Variants in NRG1 observed in about 807,000 individuals in gnomAD.
NRG1 encodes the protein neuregulin 1, also known as pro-neuregulin-1, membrane-bound isoform.
In NRG1, 18 loss-of-function variants were observed where a neutral mutation model predicts 63.8. That is an observed-to-expected ratio of 0.28 (90% CI 0.19 to 0.42). NRG1 has a LOEUF of 0.42. NRG1 is among the 10% of genes least tolerant of loss of function. The pLI, the probability that NRG1 is intolerant of heterozygous loss-of-function variation, is 1.00. For missense variants in NRG1, 762 were observed against 814.7 expected (o/e 0.94, Z 0.79); for synonymous variants, 302 against 301.3 (o/e 1.00, Z -0.02).
intron 5 of NRG1, among the ~76,000 whole-genome samples, chr8:32,727,544 A>T (rs1160746669): frequency 6.6e-6 from 1 of 152,230 alleles, no homozygotes; most frequent in East Asian, 1.9e-4. Context: ...AAATAATTTT[A>T]TCAATTGATT....
intron 1 of NRG1, among the ~76,000 whole-genome samples, chr8:32,056,253 G>A (rs541472494): frequency 1.3e-5 from 2 of 152,264 alleles, no homozygotes; most frequent in South Asian, 4.1e-4. Flanking sequence ...ATGGGAAGGA[G>A]TTGATCTTAA....
At chr8:32,613,365 A>T (rs1846715847) in intron 3 of NRG1, among the ~76,000 whole-genome samples, 1 of 151,948 alleles carries the variant, frequency 6.6e-6, no homozygotes, top group African/African-American at 2.4e-5. Flanking sequence ...TTTCAATTCC[A>T]CAAAATCTTT....
chr8:32,687,493 G>A lies in NRG1; in HGVS notation c.503-40456G>A, dbSNP rs552519446. ...AGCAAAGCTGAGCCCGAGTCTGAACGCACTGTGAGGAGGAAGCACCATTAG... is the reference window on the plus strand; with the variant it reads ...AGCAAAGCTGAGCCCGAGTCTGAACACACTGTGAGGAGGAAGCACCATTAG... On this transcript the variant is annotated intron_variant, in intron 5 of 11. Coordinates refer to ENST00000356819, the Ensembl canonical transcript of NRG1. 2.7e-4 allele frequency among the ~76,000 whole-genome samples: 41 copies of A among 152,300 alleles called. 1 individual carries two copies. The East Asian group carries it at 7.5e-3, about 28-fold the overall frequency.
chr8:32,564,909 C>CA (rs1224087344), intron 1 of NRG1, among the ~76,000 whole-genome samples: 9 of 147,350 alleles, frequency 6.1e-5, no homozygotes, highest in African/African-American at 1.0e-4. Context: ...TCCCCACTAC[C>CA]AAAAAAAAAA....
intron 1 of NRG1, among the ~76,000 whole-genome samples, chr8:32,156,402 G>A (rs560269220): frequency 2.0e-5 from 3 of 152,296 alleles, no homozygotes; most frequent in Non-Finnish European, 2.9e-5. Context: ...ATTTGCTCAT[G>A]TCATACTTTT....
intron 5 of NRG1, among the ~76,000 whole-genome samples, chr8:32,623,987 A>C (rs1482354914): frequency 1.3e-5 from 2 of 152,172 alleles, no homozygotes; most frequent in Non-Finnish European, 2.9e-5. Context: ...ATAGATATAG[A>C]TATAGATATA....
intron 5 of NRG1, among the ~76,000 whole-genome samples, chr8:32,636,202 G>A (rs966391293): frequency 3.7e-4 from 56 of 151,922 alleles, no homozygotes; most frequent in African/African-American, 1.3e-3. Context: ...CTTACTGGAT[G>A]TGTTCGGGCG....
downstream of NRG1, among the ~76,000 whole-genome samples, chr8:32,768,346 G>A (rs1316202405): frequency 6.6e-6 from 1 of 152,240 alleles, no homozygotes; most frequent in Non-Finnish European, 1.5e-5. Flanking sequence ...ATTCAATCAC[G>A]AAAGGTAACG....
intron 1 of NRG1, among the ~76,000 whole-genome samples, chr8:32,024,978 A>G (rs1016999128): frequency 2.0e-5 from 3 of 152,234 alleles, no homozygotes; most frequent in African/African-American, 7.2e-5. Flanking sequence ...ATACATACAA[A>G]TAAAATTTCT....
intron 1 of NRG1, among the ~76,000 whole-genome samples, chr8:31,891,718 A>T (rs1831159307): frequency 6.6e-6 from 1 of 152,188 alleles, no homozygotes; most frequent in African/African-American, 2.4e-5. Context: ...TTTATTTGTA[A>T]TAGCTGCAAA....
chr8:31,918,025 A>G (rs1324737706), intron 1 of NRG1, among the ~76,000 whole-genome samples: 2 of 152,146 alleles, frequency 1.3e-5, no homozygotes, highest in African/African-American at 2.4e-5. Context: ...GTGTATAAGA[A>G]TGCTTGTGAT....
chr8:32,497,568 G>A (rs1827359835), intron 1 of NRG1, among the ~76,000 whole-genome samples: 1 of 151,870 alleles, frequency 6.6e-6, no homozygotes, highest in Non-Finnish European at 1.5e-5. Context: ...TGTTTTCAGA[G>A]GCATTGGGGC....
chr8:31,852,008 T>C (rs1187538822), intron 1 of NRG1, among the ~76,000 whole-genome samples: 4 of 149,232 alleles, frequency 2.7e-5, no homozygotes, highest in Non-Finnish European at 4.5e-5. Context: ...CAGTCTATCA[T>C]TGTTGGACAT....
chr8:31,642,238 C>G (rs1426367547), intron 1 of NRG1, among the ~76,000 whole-genome samples: 1 of 152,288 alleles, frequency 6.6e-6, no homozygotes. Context: ...GTTACAGAAT[C>G]TGAAACAAAA....
At chr8:32,391,901 A>G (rs1475285134) in intron 1 of NRG1, among the ~76,000 whole-genome samples, 1 of 152,204 alleles carries the variant, frequency 6.6e-6, no homozygotes, top group Non-Finnish European at 1.5e-5. Flanking sequence ...AATTCAGTCA[A>G]CTTAAAATAG....
chr8:32,321,902 T>C (rs1801436125), intron 1 of NRG1, among the ~76,000 whole-genome samples: 1 of 152,118 alleles, frequency 6.6e-6, no homozygotes, highest in South Asian at 2.1e-4. Flanking sequence ...AGTCATTTCA[T>C]TATATGTAGA....
chr8:32,177,289 G>GGACAC (rs2132069049), intron 1 of NRG1, among the ~76,000 whole-genome samples: 1 of 149,536 alleles, frequency 6.7e-6, no homozygotes, highest in Non-Finnish European at 1.5e-5. Flanking sequence ...GAGAACACAT[G>GGACAC]GACACGGGAA....
chr8:32,152,725 CA>C (rs374947343), intron 1 of NRG1, among the ~76,000 whole-genome samples: 2 of 151,734 alleles, frequency 1.3e-5, no homozygotes, highest in East Asian at 3.9e-4. Context: ...GTTAAATCCA[CA>C]AAAAAAAGCA....
chr8:32,525,204 GAGTCC>G (rs1830704034), intron 1 of NRG1, among the ~76,000 whole-genome samples: 1 of 152,146 alleles, frequency 6.6e-6, no homozygotes. Flanking sequence ...CAAAGCTAAG[GAGTCC>G]GGTGCCCATG....
Sources: gnomAD v4.1 joint callset for allele counts (sites outside exome capture counted in the v4.1 genomes callset) on GRCh38, gnomAD v4.1.1 for gene constraint, MANE v1.5 for transcripts, NCBI Gene and HGNC (gene_info 2026-07-23, HGNC 2026-07-21) for gene names.